Variants in TRIM32 observed in about 807,000 individuals in gnomAD.
The protein encoded by TRIM32 is E3 ubiquitin-protein ligase TRIM32.
In TRIM32, 19 loss-of-function variants were observed where a neutral mutation model predicts 36.0. The ratio of observed to expected loss-of-function variants is 0.53; its 90% CI spans 0.37 to 0.77. TRIM32 has a LOEUF of 0.77. Ranked by LOEUF, TRIM32 falls within the 30% of genes least tolerant of loss-of-function variation. TRIM32 has a pLI of 0.00. For synonymous variants in TRIM32, 309 were observed against 318.5 expected (o/e 0.97, Z 0.32); for missense variants, 747 against 845.2 (o/e 0.88, Z 1.44).
chr9:116,698,266 A>G lies in TRIM32; in HGVS notation c.524A>G (p.Lys175Arg), dbSNP rs777911858. ...RRKAALEGVSKDLQARYKAVL... is the reference protein window; with the variant it reads ...RRKAALEGVSRDLQARYKAVL... ...AAGGCAGCCTTGGAAGGTGTCTCCA[A>G]GGACCTTCAGGCAAGGTATAAAGCA... Residue 175 changes from lysine to arginine, a missense_variant, in exon 2 of 2, where the codon AAG becomes AGG. Transcript: ENST00000450136. The surrounding 1 kb of genome is among the most constrained non-coding windows in gnomAD (Gnocchi z 4.4). The G allele has an allele frequency of 9.3e-6, 15 of 1,614,062 alleles. No homozygotes were observed. Among genetic ancestry groups the G allele is most frequent in the South Asian group, 2.2e-5 (2 of 91,090 alleles).
In TRIM32 at chr9:116,699,067, T is replaced by C. The variant is rs758934164; in HGVS notation, c.1325T>C (p.Ile442Thr). The C allele has an allele frequency of 1.9e-6, 3 of 1,614,164 alleles. No individual in the cohort carries two copies. Among genetic ancestry groups the C allele is most frequent in the East Asian group, 2.2e-5 (1 of 44,870 alleles). ...GTGGCAATGAACTGCCAGGGGCTGATTGGTGTGACTGACAGCTATGATAAC... is the reference window on the plus strand; with the variant it reads ...GTGGCAATGAACTGCCAGGGGCTGACTGGTGTGACTGACAGCTATGATAAC... ...LSVAMNCQGLIGVTDSYDNSL... is the reference protein window; with the variant it reads ...LSVAMNCQGLTGVTDSYDNSL... Residue 442 changes from isoleucine to threonine, a missense_variant, in exon 2 of 2, where the codon ATT (isoleucine) becomes ACT (threonine). Coordinates refer to ENST00000450136, the MANE Select transcript of TRIM32 (RefSeq NM_012210.4). This position sits in a 1 kb window ranked among gnomAD's most constrained non-coding sequence, Gnocchi z 4.2.
At position 116,700,342 on chromosome 9, in the gene TRIM32, T is replaced by C. The variant is rs2132077841; in HGVS notation, c.*638T>C. On this transcript the variant is annotated 3_prime_UTR_variant, in exon 2 of 2. Transcript: ENST00000450136. Reference sequence around the variant, plus strand: ...GATCTGTGCCATCTTGGATTGAGAATTGCAGATGTGACAGAATGGATTGAC... The same window carrying C: ...GATCTGTGCCATCTTGGATTGAGAACTGCAGATGTGACAGAATGGATTGAC... The C allele has an allele frequency of 6.0e-6, 1 of 167,900 alleles. No individual in the cohort carries two copies. The highest frequency in any genetic ancestry group is 6.5e-5 in the Admixed American group (1 of 15,402). The allele number at this position is 167,900 out of a possible 1,614,324, so 10.4% of individuals were successfully genotyped here. A position where few individuals can be genotyped will look rare whatever the true frequency, so the allele number is the denominator to read the frequency against.
At chr9:116,697,579 C>A in intron 1 of TRIM32, 83 bp from the exon 2 acceptor site, 1 of 870,920 alleles carries the variant, frequency 1.1e-6, no homozygotes, top group South Asian at 1.6e-5. Flanking sequence ...AATGACTGGT[C>A]ATAGCTATTC....
intron 1 of TRIM32, among the ~76,000 whole-genome samples, chr9:116,690,250 C>T (rs1860499279): frequency 1.3e-5 from 2 of 152,182 alleles, no homozygotes; most frequent in African/African-American, 2.4e-5. Context: ...TTATTATGTG[C>T]ATTATCTTAG....
At chr9:116,694,023 T>G (rs1860707815) in intron 1 of TRIM32, among the ~76,000 whole-genome samples, 1 of 152,178 alleles carries the variant, frequency 6.6e-6, no homozygotes, top group Non-Finnish European at 1.5e-5. Context: ...TGCCTCATGC[T>G]TTAGTGAGGG....
rs776918693 is a variant in TRIM32, at chr9:116,698,598, G to A, written c.856G>A (p.Val286Ile). Residue 286 changes from valine (V) to isoleucine (I), a missense_variant, in exon 2 of 2, where the codon GTT becomes ATT. Coordinates refer to ENST00000450136, the MANE Select transcript of TRIM32 (RefSeq NM_012210.4). This position sits in a 1 kb window ranked among gnomAD's most constrained non-coding sequence, Gnocchi z 4.4. ...QDVELLKVGHVGPLQIGQAVK... is the reference protein window; with the variant it reads ...QDVELLKVGHIGPLQIGQAVK... ...TGTGGAGCTCCTTAAGGTAGGTCAT[G>A]TTGGCCCCCTCCAAATTGGACAAGC... 6.2e-7 allele frequency: 1 copy of A among 1,614,090 alleles called. No homozygotes were observed. The highest frequency in any genetic ancestry group is 1.7e-5 in the Admixed American group (1 of 60,018).
chr9:116,701,098 T>C lies in TRIM32; in HGVS notation c.*1394T>C, dbSNP rs1376164080. The C allele has an allele frequency of 6.0e-6, 1 of 166,990 alleles. No homozygotes were observed. The highest frequency in any genetic ancestry group is 1.5e-5 in the Non-Finnish European group (1 of 68,106). The allele number at this position is 166,990 out of a possible 1,614,324, so 10.3% of individuals were successfully genotyped here. A position where few individuals can be genotyped will look rare whatever the true frequency, so the allele number is the denominator to read the frequency against. ...GGACCTGTGATGAGGTTCCTGAGGG[T>C]TTGGTGTTTACTAAGTAATATATCT... On this transcript the variant is annotated 3_prime_UTR_variant, in exon 2 of 2. Transcript: ENST00000450136.
At chr9:116,688,390 C>T (rs1169778323) in intron 1 of TRIM32, among the ~76,000 whole-genome samples, 1 of 151,912 alleles carries the variant, frequency 6.6e-6, no homozygotes, top group Admixed American at 6.6e-5. Flanking sequence ...TTCCTTAAAT[C>T]GCTGCATGGG....
Position 116,699,561 on chromosome 9 carries a change from G to A in TRIM32, c.1819G>A (p.Gly607Ser), listed in dbSNP as rs751460354. The A allele has an allele frequency of 1.2e-6, 2 of 1,614,212 alleles. No homozygotes were observed. The highest frequency in any genetic ancestry group is 4.5e-5 in the East Asian group (2 of 44,874). ...AATTCTCCATTTTCCTAAGGGTGGG[G>A]GCTATAGTGTCCTTATTCGAGAGGG... Reference protein sequence around the residue: ...KEILHFPKGGGYSVLIREGLT... With the variant: ...KEILHFPKGGSYSVLIREGLT... Residue 607 changes from glycine (G) to serine (S), a missense_variant, in exon 2 of 2, where the codon GGC (glycine) becomes AGC (serine). Gly to Ser is a moderately conservative substitution (Grantham distance 56). Coordinates refer to ENST00000450136, the MANE Select transcript of TRIM32 (RefSeq NM_012210.4). The surrounding 1 kb of genome is among the most constrained non-coding windows in gnomAD (Gnocchi z 4.2).
intron 1 of TRIM32, among the ~76,000 whole-genome samples, chr9:116,694,880 T>C (rs1041712561): frequency 1.1e-4 from 17 of 152,230 alleles, no homozygotes; most frequent in Non-Finnish European, 1.9e-4. Flanking sequence ...CATACGCTCA[T>C]GATATATGGT....
Position 116,701,119 on chromosome 9 carries a change from T to TATC in TRIM32, c.*1416_*1418dup, listed in dbSNP as rs1467364476. Reference sequence around the variant, plus strand: ...AGGGTTTGGTGTTTACTAAGTAATATATCTTACTCTAGGTGCAGGGCTGAT... The same window carrying TATC: ...AGGGTTTGGTGTTTACTAAGTAATATATCATCTTACTCTAGGTGCAGGGCTGAT... On this transcript the variant is annotated 3_prime_UTR_variant, in exon 2 of 2. Coordinates refer to ENST00000450136, the MANE Select transcript of TRIM32 (RefSeq NM_012210.4). 1 of 167,102 alleles carries TATC rather than the reference T, an allele frequency of 6.0e-6. No homozygotes were observed. The highest frequency in any genetic ancestry group is 1.9e-4 in the East Asian group (1 of 5,206). The allele number at this position is 167,102 out of a possible 1,614,324, so 10.4% of individuals were successfully genotyped here. A position where few individuals can be genotyped will look rare whatever the true frequency, so the allele number is the denominator to read the frequency against.
intron 1 of TRIM32, among the ~76,000 whole-genome samples, chr9:116,688,830 G>A (rs1375465958): frequency 6.6e-6 from 1 of 152,048 alleles, no homozygotes; most frequent in Non-Finnish European, 1.5e-5. Context: ...GGCTCTGTGA[G>A]TGAGGTGTTT....
At chr9:116,693,586 G>C (rs535219105) in intron 1 of TRIM32, among the ~76,000 whole-genome samples, 2 of 152,066 alleles carry the variant, frequency 1.3e-5, no homozygotes, top group Admixed American at 1.3e-4. Context: ...GATGTGGGAA[G>C]ATGGTAGGCT....
At chr9:116,694,517 A>G (rs1236485087) in intron 1 of TRIM32, among the ~76,000 whole-genome samples, 2 of 128,062 alleles carry the variant, frequency 1.6e-5, no homozygotes, top group African/African-American at 3.0e-5. Flanking sequence ...TCTGGAGTGC[A>G]GTGGCGCGTC....
chr9:116,693,771 AATG>A (rs1278546327), intron 1 of TRIM32, among the ~76,000 whole-genome samples: 2 of 152,176 alleles, frequency 1.3e-5, no homozygotes, highest in East Asian at 3.9e-4. Flanking sequence ...AAAGATTTGG[AATG>A]ATAAGACAAT....
rs375442860 is a variant in TRIM32 at position 116,698,681 on chromosome 9, G to A, written c.939G>A (p.Ala313=). The part of the protein sequence containing the change: ...VEDSWAMEAT[A]SAASTSVTFR... The stretch of plus-strand genomic sequence containing the variant: ...ATTCCTGGGCCATGGAGGCCACAGC[G>A]TCTGCTGCCTCTACCTCTGTTACTT... Residue 313 remains alanine (A), a synonymous_variant, in exon 2 of 2, where the codon GCG becomes GCA. Coordinates refer to ENST00000450136, the MANE Select transcript of TRIM32 (RefSeq NM_012210.4). This position sits in a 1 kb window ranked among gnomAD's most constrained non-coding sequence, Gnocchi z 4.4. 1.4e-5 allele frequency: 22 copies of A among 1,614,048 alleles called. No homozygotes were observed. The highest frequency in any genetic ancestry group is 2.2e-5 in the East Asian group (1 of 44,890).
rs763988582 is a variant in TRIM32, at chr9:116,697,790, A to G, written c.48A>G (p.Glu16=). 1.2e-6 allele frequency: 2 copies of G among 1,614,150 alleles called. No homozygotes were observed. The highest frequency in any genetic ancestry group is 2.2e-5 in the South Asian group (2 of 91,086). The stretch of plus-strand genomic sequence containing the variant: ...ACCTGAACCTGGATGCCCTCCGGGA[A>G]GTGCTAGAATGCCCCATCTGCATGG... ...ASHLNLDALR[E]VLECPICMES... Residue 16 remains glutamate, a synonymous_variant, in exon 2 of 2, where the codon GAA becomes GAG. Coordinates refer to ENST00000450136, the MANE Select transcript of TRIM32 (RefSeq NM_012210.4).
chr9:116,688,837 G>T (rs1434240823), intron 1 of TRIM32, among the ~76,000 whole-genome samples: 1 of 152,050 alleles, frequency 6.6e-6, no homozygotes. Flanking sequence ...TGAGTGAGGT[G>T]TTTGGGCTCG....
chr9:116,698,684 T>G lies in TRIM32; in HGVS notation c.942T>G (p.Ser314=), dbSNP rs748493211. The G allele has an allele frequency of 6.2e-7, 1 of 1,614,198 alleles. No homozygotes were observed. The highest frequency in any genetic ancestry group is 1.7e-5 in the Admixed American group (1 of 60,022). Residue 314 remains serine, a synonymous_variant, in exon 2 of 2, where the codon TCT becomes TCG. Transcript: ENST00000450136. This position sits in a 1 kb window ranked among gnomAD's most constrained non-coding sequence, Gnocchi z 4.4. ...EDSWAMEATA[S]AASTSVTFRE... ...CCTGGGCCATGGAGGCCACAGCGTCTGCTGCCTCTACCTCTGTTACTTTTA... is the reference window on the plus strand; with the variant it reads ...CCTGGGCCATGGAGGCCACAGCGTCGGCTGCCTCTACCTCTGTTACTTTTA...
Sources: allele counts gnomAD v4.1 joint callset (sites outside exome capture counted in the v4.1 genomes callset), GRCh38; gene constraint gnomAD v4.1.1; non-coding constraint Gnocchi (gnomAD v3.1); transcripts MANE v1.5; gene names NCBI Gene and HGNC (gene_info 2026-07-23, HGNC 2026-07-21).